TGFBRAP1: variants seen among roughly 807,000 people sequenced by gnomAD.
TGFBRAP1 encodes the protein transforming growth factor-beta receptor-associated protein 1.
A neutral mutation model predicts 83.2 loss-of-function variants in TGFBRAP1; 20 were observed. The ratio of observed to expected loss-of-function variants is 0.24; its 90% CI spans 0.17 to 0.35. The LOEUF (loss-of-function observed/expected upper bound fraction) is 0.35. Among genes scored for constraint, TGFBRAP1 ranks in the 10% least tolerant of loss-of-function variants. The probability of loss-of-function intolerance (pLI) is 1.00; values close to 1 mark genes in which losing one functional copy is unlikely to be tolerated. For missense variants in TGFBRAP1, 950 were observed against 1,099.4 expected (o/e 0.86, Z 1.92); for synonymous variants, 415 against 459.8 (o/e 0.90, Z 1.25).
chr2:105,321,153 C>T (rs1324666784), intron 1 of TGFBRAP1, among the ~76,000 whole-genome samples: 1 of 151,058 alleles, frequency 6.6e-6, no homozygotes, highest in African/African-American at 2.4e-5. Flanking sequence ...AATACAATGA[C>T]TTATTTATTT....
rs569223970 is a variant in TGFBRAP1, at chr2:105,304,399, C to T, written c.688+3215G>A. Among the ~76,000 whole-genome samples, 8 of 152,090 alleles carry T rather than the reference C, an allele frequency of 5.3e-5. No homozygotes were observed. In the East Asian group the frequency reaches 1.2e-3, roughly 22 times the overall value. ...CACAGTACAGAAATCCTCAATTTTCCGAAAAAAATGTGGCTGGGCTAAAGA... is the reference window on the plus strand; with the variant it reads ...CACAGTACAGAAATCCTCAATTTTCTGAAAAAAATGTGGCTGGGCTAAAGA... On this transcript the variant is annotated intron_variant, in intron 2 of 11. Transcript: ENST00000393359.
Position 105,280,292 on chromosome 2 carries a change from TAA to T in TGFBRAP1, c.1463+88_1463+89del, listed in dbSNP as rs539479414. ...TTGGGAACATAAACATCACACTGGCTAAGTCACTTCACGAGGATCTCCCCAGC... is the reference window on the plus strand; with the variant it reads ...TTGGGAACATAAACATCACACTGGCTGTCACTTCACGAGGATCTCCCCAGC... On this transcript the variant is annotated intron_variant, in intron 6 of 11. Transcript: ENST00000393359. 5.6e-4 allele frequency: 768 copies of T among 1,375,208 alleles called. 3 individuals are homozygous for T. The African/African-American group carries it at 9.8e-3, about 18-fold the overall frequency. The allele number at this position is 1,375,208 out of a possible 1,614,324, so 85.2% of individuals were successfully genotyped here.
chr2:105,316,462 T>TGTGTGCGCGC (rs1177329674), intron 1 of TGFBRAP1, among the ~76,000 whole-genome samples: 207 of 84,760 alleles, frequency 2.4e-3, no homozygotes, highest in Non-Finnish European at 2.7e-3. Flanking sequence ...TGTGTGTGTG[T>TGTGTGCGCGC]GCGCGCGCGC....
At position 105,280,377 on chromosome 2, in the gene TGFBRAP1, C is replaced by T. The variant is rs1677493168; in HGVS notation, c.1463+5G>A. 1.9e-6 allele frequency: 3 copies of T among 1,611,530 alleles called. No individual in the cohort carries two copies. Among genetic ancestry groups the T allele is most frequent in the Non-Finnish European group, 2.5e-6 (3 of 1,178,732 alleles). Reference sequence around the variant, plus strand: ...CCCTGATCATATCAGGAAGGGAACACTCACTTTTTGTGCTTCTCTAGCCAG... The same window carrying T: ...CCCTGATCATATCAGGAAGGGAACATTCACTTTTTGTGCTTCTCTAGCCAG... On this transcript the variant is annotated splice_donor_5th_base_variant and intron_variant, in intron 6 of 11. Coordinates refer to ENST00000393359, the MANE Select transcript of TGFBRAP1 (RefSeq NM_004257.6).
At chr2:105,271,964 G>C (rs911452457) in intron 10 of TGFBRAP1, among the ~76,000 whole-genome samples, 3 of 152,130 alleles carry the variant, frequency 2.0e-5, no homozygotes, top group Non-Finnish European at 4.4e-5. Context: ...GGTGCTTCTT[G>C]TTGGTGATTT....
Position 105,307,609 on chromosome 2 carries a change from C to T in TGFBRAP1, c.688+5G>A. 6.2e-7 allele frequency: 1 copy of T among 1,601,834 alleles called. No homozygotes were observed. Among genetic ancestry groups the T allele is most frequent in the Non-Finnish European group, 8.5e-7 (1 of 1,174,964 alleles). On this transcript the variant is annotated splice_donor_5th_base_variant and intron_variant, in intron 2 of 11. Coordinates refer to ENST00000393359, the MANE Select transcript of TGFBRAP1 (RefSeq NM_004257.6). ...AGATCAGGCGCACAAATGCATCCTCCTCACCCAGCCCTCCGGGGCCCGCCA... is the reference window on the plus strand; with the variant it reads ...AGATCAGGCGCACAAATGCATCCTCTTCACCCAGCCCTCCGGGGCCCGCCA...
rs767194320 is a variant in TGFBRAP1, at chr2:105,269,448, G to A, written c.2230C>T (p.His744Tyr). The A allele has an allele frequency of 6.2e-7, 1 of 1,613,730 alleles. No individual in the cohort carries two copies. Among genetic ancestry groups the A allele is most frequent in the Non-Finnish European group, 8.5e-7 (1 of 1,179,944 alleles). The stretch of plus-strand genomic sequence containing the variant: ...TGGGCTGCATCAAATTCGGTGGCGT[G>A]GCGGTTCAGCAGGTCCACGGCAGCC... ...AVAAVDLLNRHATEFDAAQVL... is the reference protein window; with the variant it reads ...AVAAVDLLNRYATEFDAAQVL... The change falls in exon 11 of 12, where the codon CAC (histidine) becomes TAC (tyrosine). Residue 744 changes from histidine to tyrosine, a missense_variant. His to Tyr is a moderately conservative substitution (Grantham distance 83). Transcript: ENST00000393359. The surrounding 1 kb of genome is among the most constrained non-coding windows in gnomAD (Gnocchi z 4.1).
chr2:105,257,661 T>G, the TGFBRAP1 span, among the ~76,000 whole-genome samples: 71 of 152,348 alleles, frequency 4.7e-4, no homozygotes, highest in East Asian at 0.012. Context: ...GTTACAAAAG[T>G]GTTATGTGCA....
At chr2:105,255,485 C>T in the TGFBRAP1 span, among the ~76,000 whole-genome samples, 1 of 152,136 alleles carries the variant, frequency 6.6e-6, no homozygotes, top group African/African-American at 2.4e-5. Flanking sequence ...CCACACCTGA[C>T]TAACGTTTTA....
rs747194543 is a variant in TGFBRAP1, at chr2:105,267,540, G to A, written c.2426C>T (p.Ser809Leu). 3.1e-5 allele frequency: 50 copies of A among 1,614,162 alleles called. No individual in the cohort carries two copies. Among genetic ancestry groups the A allele is most frequent in the Non-Finnish European group, 4.2e-5 (49 of 1,180,032 alleles). Residue 809 changes from serine (S) to leucine (L), a missense_variant, in exon 12 of 12, where the codon TCA (serine) becomes TTA (leucine). Physicochemically the swap from Ser to Leu is moderately radical, Grantham distance 145. Transcript: ENST00000393359. ...TYDKMKLKGS[S>L]IQLSDKKLCQ... is the part of the protein sequence containing the mutation. Reference sequence around the variant, plus strand: ...AAGCTTTTTGTCTGAGAGTTGGATTGAGCTTCCTTTCAACTTCATCTGCAA... The same window carrying A: ...AAGCTTTTTGTCTGAGAGTTGGATTAAGCTTCCTTTCAACTTCATCTGCAA...
At chr2:105,277,725 G>A (rs957568498) in intron 6 of TGFBRAP1, 54 bp from the exon 7 acceptor site, 36 of 1,546,606 alleles carry the variant, frequency 2.3e-5, no homozygotes, top group East Asian at 1.8e-4. Context: ...TCCTGGAGGC[G>A]ACCTTCACAC....
Position 105,273,438 on chromosome 2 carries a change from A to G in TGFBRAP1, c.1812+106T>C, listed in dbSNP as rs1677228082. 12 of 1,467,806 alleles carry G rather than the reference A, an allele frequency of 8.2e-6. 1 individual carries two copies. The highest frequency in any genetic ancestry group is 7.0e-5 in the African/African-American group (5 of 71,078). The allele number at this position is 1,467,806 out of a possible 1,614,324, so 90.9% of individuals were successfully genotyped here. A position where few individuals can be genotyped will look rare whatever the true frequency, so the allele number is the denominator to read the frequency against. On this transcript the variant is annotated intron_variant, in intron 9 of 11. Transcript: ENST00000393359. Reference sequence around the variant, plus strand: ...TCAGACCATCAACAAGTACGGATGGATCACCCAGGGAACAGACATTACACA... The same window carrying G: ...TCAGACCATCAACAAGTACGGATGGGTCACCCAGGGAACAGACATTACACA...
the TGFBRAP1 span, among the ~76,000 whole-genome samples, chr2:105,255,911 A>T: frequency 6.6e-6 from 1 of 151,416 alleles, no homozygotes; most frequent in African/African-American, 2.4e-5. Flanking sequence ...GTGCCTCTCC[A>T]TGTGGCCCTG....
At chr2:105,312,770 C>T (rs1299761488) in intron 1 of TGFBRAP1, among the ~76,000 whole-genome samples, 1 of 152,132 alleles carries the variant, frequency 6.6e-6, no homozygotes, top group Non-Finnish European at 1.5e-5. Flanking sequence ...TACAAATGTA[C>T]ACAGAAACAT....
intron 1 of TGFBRAP1, among the ~76,000 whole-genome samples, chr2:105,328,264 C>T (rs566176022): frequency 6.6e-6 from 1 of 152,272 alleles, no homozygotes; most frequent in Non-Finnish European, 1.5e-5. Context: ...AGCATCACTC[C>T]CATTTCATAG....
intron 5 of TGFBRAP1, 112 bp downstream of exon 5, chr2:105,284,204 A>G: frequency 1.0e-6 from 1 of 1,003,158 alleles, no homozygotes; most frequent in Non-Finnish European, 1.6e-6. Flanking sequence ...TATCCACCTG[A>G]AGCACAATCT....
intron 1 of TGFBRAP1, among the ~76,000 whole-genome samples, chr2:105,313,723 A>T (rs1447440524): frequency 6.6e-6 from 1 of 152,170 alleles, no homozygotes; most frequent in Non-Finnish European, 1.5e-5. Flanking sequence ...TAAAAATGCA[A>T]TATGGCTAAG....
At chr2:105,290,653 G>GTGTGTA (rs1553404089) in intron 4 of TGFBRAP1, among the ~76,000 whole-genome samples, 1 of 151,348 alleles carries the variant, frequency 6.6e-6, no homozygotes, top group African/African-American at 2.4e-5. Context: ...GTGTGTGTGT[G>GTGTGTA]TGTGTGAATT....
At chr2:105,296,573 G>T (rs1043471845) in intron 3 of TGFBRAP1, 63 bp from the exon 4 acceptor site, 33 of 1,555,022 alleles carry the variant, frequency 2.1e-5, no homozygotes, top group African/African-American at 9.6e-5. Context: ...AAAACACACT[G>T]CTTTCCCCAA....
Sources: gnomAD v4.1 joint callset for allele counts (sites outside exome capture counted in the v4.1 genomes callset) on GRCh38, gnomAD v4.1.1 for gene constraint, Gnocchi (gnomAD v3.1) non-coding constraint, MANE v1.5 for transcripts, NCBI Gene and HGNC (gene_info 2026-07-23, HGNC 2026-07-21) for gene names.